Variants in CREB5 observed in about 807,000 individuals in gnomAD.
The protein encoded by CREB5 is cyclic AMP-responsive element-binding protein 5.
Under a neutral mutation model 57.1 loss-of-function variants are expected in CREB5, and 19 were observed. The observed-to-expected ratio is 0.33, with a 90% CI of 0.23 to 0.49. CREB5 has a LOEUF of 0.49. Among genes scored for constraint, CREB5 ranks in the 20% least tolerant of loss-of-function variants. The pLI, the probability that CREB5 is intolerant of heterozygous loss-of-function variation, is 0.99. For missense variants in CREB5, 579 were observed against 671.6 expected, an observed-to-expected ratio of 0.86 and a Z score of 1.52; for synonymous variants, 238 against 238.3, an observed-to-expected ratio of 1.00 and a Z score of 0.01.
intron 1 of CREB5, among the ~76,000 whole-genome samples, chr7:28,348,592 C>T (rs767163672): frequency 1.5e-4 from 23 of 152,106 alleles, no homozygotes; most frequent in Non-Finnish European, 2.8e-4. Context: ...TCTGTATAAT[C>T]GAAATTCCCA....
intron 1 of CREB5, among the ~76,000 whole-genome samples, chr7:28,347,438 T>C (rs949728980): frequency 5.3e-5 from 8 of 152,188 alleles, no homozygotes; most frequent in East Asian, 1.9e-4. Flanking sequence ...AAAATTCTTA[T>C]ATCAAAAAAT....
At chr7:28,473,059 C>T (rs1357453373) in intron 1 of CREB5, among the ~76,000 whole-genome samples, 1 of 152,146 alleles carries the variant, frequency 6.6e-6, no homozygotes, top group Non-Finnish European at 1.5e-5. Context: ...GTAAGCATTA[C>T]CTCCTCCTTC....
intron 5 of CREB5, among the ~76,000 whole-genome samples, chr7:28,716,650 C>T (rs1198589758): frequency 6.6e-6 from 1 of 152,110 alleles, no homozygotes; most frequent in Non-Finnish European, 1.5e-5. Context: ...TTTGATATTC[C>T]ACTATTTTCT....
chr7:28,560,845 C>CGTGCGCGT, intron 4 of CREB5, among the ~76,000 whole-genome samples: 1 of 41,364 alleles, frequency 2.4e-5, no homozygotes, highest in Non-Finnish European at 5.6e-5. Flanking sequence ...TGTGTGTGTG[C>CGTGCGCGT]GCGTGTGTGT....
At chr7:28,549,691 G>C (rs1287682200) in intron 4 of CREB5, among the ~76,000 whole-genome samples, 2 of 151,842 alleles carry the variant, frequency 1.3e-5, no homozygotes, top group Admixed American at 1.3e-4. Context: ...TTATTTCACT[G>C]GATGCCTGTT....
At chr7:28,737,900 G>A (rs1426434354) in intron 7 of CREB5, among the ~76,000 whole-genome samples, 2 of 151,938 alleles carry the variant, frequency 1.3e-5, no homozygotes, top group Non-Finnish European at 2.9e-5. Flanking sequence ...AAGTAAATAT[G>A]ACTTTTAAGA....
chr7:28,633,404 GA>G (rs1798282021), intron 5 of CREB5, among the ~76,000 whole-genome samples: 1 of 151,892 alleles, frequency 6.6e-6, no homozygotes, highest in African/African-American at 2.4e-5. Flanking sequence ...TGTGTGTAAT[GA>G]AATATAGAAA....
chr7:28,621,530 A>T (rs532033004), intron 5 of CREB5, among the ~76,000 whole-genome samples: 102 of 152,318 alleles, frequency 6.7e-4, no homozygotes, highest in African/African-American at 2.4e-3. Context: ...CAAAGTGGCC[A>T]CATGCGCTGT....
At chr7:28,689,876 T>C (rs1801158301) in intron 5 of CREB5, among the ~76,000 whole-genome samples, 1 of 151,470 alleles carries the variant, frequency 6.6e-6, no homozygotes, top group Admixed American at 6.6e-5. Flanking sequence ...GAAAAGTTTA[T>C]GGGCTGTGAA....
chr7:28,735,785 C>T (rs1484857832), intron 7 of CREB5, among the ~76,000 whole-genome samples: 2 of 151,454 alleles, frequency 1.3e-5, no homozygotes, highest in Non-Finnish European at 2.9e-5. Flanking sequence ...AATCATGGGC[C>T]ATATTACTGT....
chr7:28,778,750 C>T (rs1806804236), intron 7 of CREB5, among the ~76,000 whole-genome samples: 2 of 151,978 alleles, frequency 1.3e-5, no homozygotes, highest in Admixed American at 6.6e-5. Context: ...GAATATTAAA[C>T]GTTATTTGGA....
intron 1 of CREB5, among the ~76,000 whole-genome samples, chr7:28,451,336 C>T (rs544026095): frequency 4.6e-5 from 7 of 152,206 alleles, no homozygotes; most frequent in Admixed American, 3.9e-4. Flanking sequence ...AGGCTTTCTG[C>T]AAGTCTTTCT....
intron 4 of CREB5, among the ~76,000 whole-genome samples, chr7:28,541,535 C>G (rs953998718): frequency 1.9e-4 from 29 of 152,180 alleles, no homozygotes; most frequent in African/African-American, 7.0e-4. Flanking sequence ...GGCGTGGTGG[C>G]CGATACCTGT....
intron 1 of CREB5, among the ~76,000 whole-genome samples, chr7:28,457,299 T>C (rs1790138755): frequency 2.0e-5 from 3 of 152,164 alleles, no homozygotes; most frequent in African/African-American, 7.2e-5. Flanking sequence ...CCCGCGATTA[T>C]GAATTTTACC....
intron 1 of CREB5, among the ~76,000 whole-genome samples, chr7:28,314,508 A>G (rs1417737185): frequency 6.6e-6 from 1 of 152,136 alleles, no homozygotes; most frequent in African/African-American, 2.4e-5. Context: ...TCTGAGCTTC[A>G]TTTTCATTGT....
At chr7:28,753,382 A>G (rs1487531744) in intron 7 of CREB5, among the ~76,000 whole-genome samples, 1 of 151,522 alleles carries the variant, frequency 6.6e-6, no homozygotes, top group Non-Finnish European at 1.5e-5. Flanking sequence ...GCATGCATAC[A>G]CACACACACA....
intron 1 of CREB5, among the ~76,000 whole-genome samples, chr7:28,368,928 C>T (rs546759092): frequency 2.6e-5 from 4 of 152,202 alleles, no homozygotes; most frequent in East Asian, 3.9e-4. Flanking sequence ...CACCTGTAGT[C>T]CCAGCTACTT....
chr7:28,603,350 G>A (rs1451462207), intron 5 of CREB5, among the ~76,000 whole-genome samples: 1 of 152,174 alleles, frequency 6.6e-6, no homozygotes, highest in Non-Finnish European at 1.5e-5. Flanking sequence ...CACAGCCTTT[G>A]AGAACTTAGC....
At chr7:28,647,067 T>C (rs1293161029) in intron 5 of CREB5, among the ~76,000 whole-genome samples, 1 of 151,956 alleles carries the variant, frequency 6.6e-6, no homozygotes, top group Non-Finnish European at 1.5e-5. Flanking sequence ...AAAAGGGGAA[T>C]TTATTCAAAG....
Sources: gnomAD v4.1 joint callset for allele counts (sites outside exome capture counted in the v4.1 genomes callset) on GRCh38, gnomAD v4.1.1 for gene constraint, MANE v1.5 for transcripts, NCBI Gene and HGNC (gene_info 2026-07-23, HGNC 2026-07-21) for gene names.